The following STXBP6 variants were observed in gnomAD, a reference collection of about 807,000 sequenced individuals.
STXBP6 encodes the protein syntaxin-binding protein 6.
Under a neutral mutation model 26.9 loss-of-function variants are expected in STXBP6, and 21 were observed. That is an observed-to-expected ratio of 0.78 (90% CI 0.55 to 1.12). The LOEUF is 1.12. Among genes scored for constraint, STXBP6 ranks in the 50% most tolerant of loss-of-function variants. The pLI is 0.00. For missense variants in STXBP6, 232 were observed against 257.9 expected (o/e 0.90, Z 0.69); for synonymous variants, 97 against 92.6 (o/e 1.05, Z -0.27).
chr14:24,864,918 C>A (rs575732573), intron 2 of STXBP6, among the ~76,000 whole-genome samples: 3 of 152,234 alleles, frequency 2.0e-5, no homozygotes, highest in Admixed American at 6.5e-5. Flanking sequence ...TGCATGGTAT[C>A]ACTAAGAACC....
intron 2 of STXBP6, among the ~76,000 whole-genome samples, chr14:24,963,604 G>A (rs936304904): frequency 6.6e-6 from 1 of 152,122 alleles, no homozygotes; most frequent in Non-Finnish European, 1.5e-5. Context: ...CCCTCTTTCA[G>A]GAAATGTAGA....
At chr14:24,861,102 T>G (rs974023053) in intron 2 of STXBP6, among the ~76,000 whole-genome samples, 2 of 152,134 alleles carry the variant, frequency 1.3e-5, no homozygotes, top group Non-Finnish European at 2.9e-5. Context: ...AGTTTGATGT[T>G]CAGGGTGGCT....
intron 1 of STXBP6, among the ~76,000 whole-genome samples, chr14:25,001,728 T>A (rs1343272310): frequency 6.6e-6 from 1 of 152,238 alleles, no homozygotes; most frequent in Non-Finnish European, 1.5e-5. Flanking sequence ...GGCTCGATCA[T>A]TACTTTGTCT....
chr14:24,824,914 G>A (rs372329512), intron 4 of STXBP6, among the ~76,000 whole-genome samples: 25 of 152,298 alleles, frequency 1.6e-4, no homozygotes, highest in East Asian at 7.7e-4. Context: ...AGTAGCTTAC[G>A]CAGGATTAGC....
chr14:24,873,904 T>A (rs2070035393), intron 2 of STXBP6, among the ~76,000 whole-genome samples: 1 of 152,172 alleles, frequency 6.6e-6, no homozygotes, highest in African/African-American at 2.4e-5. Flanking sequence ...TAAGACAATA[T>A]GTATAACAAT....
intron 2 of STXBP6, among the ~76,000 whole-genome samples, chr14:24,883,763 A>C (rs540983491): frequency 2.0e-5 from 3 of 152,268 alleles, no homozygotes; most frequent in African/African-American, 7.2e-5. Context: ...TGGCTTACTC[A>C]CCAGTTTTTG....
At chr14:24,911,375 AAGAGAGAG>A (rs138490421) in intron 2 of STXBP6, among the ~76,000 whole-genome samples, 1 of 148,554 alleles carries the variant, frequency 6.7e-6, no homozygotes, top group African/African-American at 2.5e-5. Flanking sequence ...GGAAAGAAAG[AAGAGAGAG>A]AGAGAGAGAG....
At chr14:24,839,996 T>C (rs751203778) in intron 4 of STXBP6, among the ~76,000 whole-genome samples, 2 of 152,248 alleles carry the variant, frequency 1.3e-5, no homozygotes, top group Non-Finnish European at 1.5e-5. Flanking sequence ...TCATGTGATA[T>C]GTTTTAGGTA....
At chr14:24,865,607 A>G (rs1566424860) in intron 2 of STXBP6, among the ~76,000 whole-genome samples, 1 of 152,204 alleles carries the variant, frequency 6.6e-6, no homozygotes, top group Non-Finnish European at 1.5e-5. Context: ...ACAGTACTCC[A>G]TGCTCACACA....
chr14:24,869,834 G>A (rs2069864003), intron 2 of STXBP6, among the ~76,000 whole-genome samples: 1 of 152,148 alleles, frequency 6.6e-6, no homozygotes, highest in Admixed American at 6.5e-5. Context: ...ATTACTCTAT[G>A]ACAGAGAGAA....
intron 2 of STXBP6, among the ~76,000 whole-genome samples, chr14:24,959,844 AAT>A (rs1308299311): frequency 6.6e-6 from 1 of 152,234 alleles, no homozygotes; most frequent in Non-Finnish European, 1.5e-5. Flanking sequence ...CCAGAAAGGA[AAT>A]GTAGGTTTCC....
chr14:24,991,149 A>G (rs140437836), intron 1 of STXBP6, among the ~76,000 whole-genome samples: 1 of 144,702 alleles, frequency 6.9e-6, no homozygotes, highest in Non-Finnish European at 1.5e-5. Flanking sequence ...GGAGGAAGAG[A>G]AAGAGGAGGA....
At chr14:24,972,846 G>A (rs896262873) in intron 2 of STXBP6, among the ~76,000 whole-genome samples, 1 of 151,762 alleles carries the variant, frequency 6.6e-6, no homozygotes, top group Non-Finnish European at 1.5e-5. Flanking sequence ...TACAAAAATG[G>A]TGGTTTATCC....
At chr14:25,030,185 AG>A (rs1330891591) in intron 1 of STXBP6, among the ~76,000 whole-genome samples, 1 of 152,254 alleles carries the variant, frequency 6.6e-6, no homozygotes, top group African/African-American at 2.4e-5. Flanking sequence ...GCAATTGGAT[AG>A]AGCAATTCAA....
chr14:24,982,621 A>G (rs1179991782), intron 1 of STXBP6, among the ~76,000 whole-genome samples: 1 of 152,222 alleles, frequency 6.6e-6, no homozygotes, highest in African/African-American at 2.4e-5. Flanking sequence ...TTCCCTGTAC[A>G]TACTAACTCT....
chr14:25,002,990 G>A (rs1406298330), intron 1 of STXBP6, among the ~76,000 whole-genome samples: 1 of 152,212 alleles, frequency 6.6e-6, no homozygotes, highest in East Asian at 1.9e-4. Flanking sequence ...GCCTCTCAAA[G>A]TGCTGGGATT....
chr14:24,946,064 T>C (rs974078314), intron 2 of STXBP6, among the ~76,000 whole-genome samples: 2 of 152,218 alleles, frequency 1.3e-5, no homozygotes, highest in African/African-American at 2.4e-5. Context: ...AGCCAAGATG[T>C]TGAATATCTG....
At chr14:25,030,389 C>A (rs1022477468) in intron 1 of STXBP6, among the ~76,000 whole-genome samples, 2 of 152,302 alleles carry the variant, frequency 1.3e-5, no homozygotes, top group Middle Eastern at 3.4e-3. Flanking sequence ...TCCTTCCCAG[C>A]ACCCTTTATT....
intron 1 of STXBP6, among the ~76,000 whole-genome samples, chr14:25,046,896 T>TA (rs1375635295): frequency 6.6e-6 from 1 of 152,178 alleles, no homozygotes; most frequent in Admixed American, 6.5e-5. Flanking sequence ...TCTACCCTCT[T>TA]AGAGACGAAG....
Sources: allele counts gnomAD v4.1 joint callset (sites outside exome capture counted in the v4.1 genomes callset), GRCh38; gene constraint gnomAD v4.1.1; transcripts MANE v1.5; gene names NCBI Gene and HGNC (gene_info 2026-07-23, HGNC 2026-07-21).